The following STAG1 variants were observed in gnomAD, a reference collection of about 807,000 sequenced individuals.
The protein encoded by STAG1 is STAG1 cohesin complex component.
A neutral mutation model predicts 170.9 loss-of-function variants in STAG1; 26 were observed. The ratio of observed to expected loss-of-function variants is 0.15; its 90% CI spans 0.11 to 0.21. The LOEUF (loss-of-function observed/expected upper bound fraction) is 0.21. STAG1 is among the 10% of genes least tolerant of loss of function. The pLI is 1.00. For missense variants in STAG1, 964 were observed against 1,509.5 expected (o/e 0.64, Z 5.99); for synonymous variants, 514 against 497.7 (o/e 1.03, Z -0.44).
chr3:136,342,209 T>C (rs1312044910), intron 30 of STAG1, among the ~76,000 whole-genome samples: 4 of 151,620 alleles, frequency 2.6e-5, no homozygotes, highest in Admixed American at 2.0e-4. Context: ...TTAGTAGACA[T>C]GGGGTTTCAC....
At chr3:136,656,243 A>T (rs1941366247) in intron 1 of STAG1, among the ~76,000 whole-genome samples, 1 of 152,078 alleles carries the variant, frequency 6.6e-6, no homozygotes, top group Non-Finnish European at 1.5e-5. Flanking sequence ...AGGAACAGAA[A>T]GTACAATGGT....
At chr3:136,536,609 G>A (rs1490218920) in intron 6 of STAG1, among the ~76,000 whole-genome samples, 2 of 149,548 alleles carry the variant, frequency 1.3e-5, no homozygotes, top group South Asian at 2.1e-4. Flanking sequence ...GCTAAGGCAC[G>A]AGAATCGCTT....
intron 1 of STAG1, among the ~76,000 whole-genome samples, chr3:136,738,436 A>G (rs1934472272): frequency 6.6e-6 from 1 of 152,228 alleles, no homozygotes. Context: ...GGCTACAGTG[A>G]GCCAAAATCG....
intron 1 of STAG1, among the ~76,000 whole-genome samples, chr3:136,719,537 C>G (rs1274916653): frequency 3.3e-5 from 5 of 150,334 alleles, no homozygotes; most frequent in Non-Finnish European, 7.4e-5. Flanking sequence ...CAAGGAAAAA[C>G]AGAAAAGCAA....
chr3:136,366,865 G>T, intron 25 of STAG1, 78 bp downstream of exon 25: 4 of 1,240,252 alleles, frequency 3.2e-6, no homozygotes, highest in Non-Finnish European at 4.5e-6. Context: ...GTCAATTTTA[G>T]CTTCTGTCAT....
chr3:136,450,814 G>A (rs768845016), intron 14 of STAG1, among the ~76,000 whole-genome samples: 15 of 151,910 alleles, frequency 9.9e-5, no homozygotes, highest in Non-Finnish European at 2.1e-4. Context: ...GTACAATCTC[G>A]GCTCACTGCA....
chr3:136,590,335 C>A (rs1159810336), intron 4 of STAG1, among the ~76,000 whole-genome samples: 4 of 149,848 alleles, frequency 2.7e-5, no homozygotes, highest in Non-Finnish European at 3.0e-5. Context: ...AAAATACACA[C>A]AAAAAAAATT....
At chr3:136,634,805 CAT>C (rs1188403287) in intron 1 of STAG1, among the ~76,000 whole-genome samples, 2 of 151,782 alleles carry the variant, frequency 1.3e-5, no homozygotes, top group African/African-American at 4.8e-5. Flanking sequence ...ACAAAATTGA[CAT>C]ATCTTTAAAT....
intron 22 of STAG1, among the ~76,000 whole-genome samples, chr3:136,386,193 G>T (rs1480813798): frequency 6.6e-6 from 1 of 152,058 alleles, no homozygotes; most frequent in African/African-American, 2.4e-5. Context: ...AAAAAAATTA[G>T]CTGGGCATGG....
At chr3:136,702,441 C>A (rs899829740) in intron 1 of STAG1, among the ~76,000 whole-genome samples, 1 of 152,148 alleles carries the variant, frequency 6.6e-6, no homozygotes, top group African/African-American at 2.4e-5. Flanking sequence ...GGCTGGAGTG[C>A]AATGGCGCGA....
rs889388437 is a variant in STAG1 at position 136,379,086 on chromosome 3, T to C, written c.2278-1334A>G. Among the ~76,000 whole-genome samples the C allele has an allele frequency of 2.9e-4, 44 of 152,306 alleles. 1 individual carries two copies. The highest frequency in any genetic ancestry group is 1.0e-3 in the African/African-American group (43 of 41,578). On this transcript the variant is annotated intron_variant, in intron 22 of 33. Coordinates refer to ENST00000383202, the MANE Select transcript of STAG1 (RefSeq NM_005862.3). Reference sequence around the variant, plus strand: ...TGGAAGAAGGAGCGAGTTCATCTTGTGGAGAGAAGTAAAAAGGACACCCTC... The same window carrying C: ...TGGAAGAAGGAGCGAGTTCATCTTGCGGAGAGAAGTAAAAAGGACACCCTC...
intron 22 of STAG1, among the ~76,000 whole-genome samples, chr3:136,382,401 C>CTTT (rs1033807448): frequency 1.5e-5 from 2 of 134,592 alleles, no homozygotes; most frequent in Admixed American, 7.6e-5. Context: ...CCAAGGCTTT[C>CTTT]TTTTTTTTTT....
chr3:136,724,395 C>T (rs1306774807), intron 1 of STAG1, among the ~76,000 whole-genome samples: 1 of 151,076 alleles, frequency 6.6e-6, no homozygotes, highest in East Asian at 1.9e-4. Flanking sequence ...TAAACAGATG[C>T]TTGAAGGCAG....
chr3:136,590,177 C>T (rs1443786925), intron 4 of STAG1, among the ~76,000 whole-genome samples: 1 of 151,380 alleles, frequency 6.6e-6, no homozygotes, highest in Non-Finnish European at 1.5e-5. Flanking sequence ...ACAATTCAAA[C>T]ACTTCATGAC....
intron 4 of STAG1, among the ~76,000 whole-genome samples, chr3:136,602,289 G>A (rs1190837476): frequency 6.6e-6 from 1 of 150,498 alleles, no homozygotes; most frequent in Non-Finnish European, 1.5e-5. Context: ...TGAGGCAGAA[G>A]AATTGCTTGA....
chr3:136,474,185 C>A lies in STAG1; in HGVS notation c.1027-548G>T, dbSNP rs374905843. ...ATTAGTGGAATGTCTTTAATAAAGTCATCAACTTGGCGTACAGGATGTTGA... is the reference window on the plus strand; with the variant it reads ...ATTAGTGGAATGTCTTTAATAAAGTAATCAACTTGGCGTACAGGATGTTGA... On this transcript the variant is annotated intron_variant, in intron 10 of 33. Coordinates refer to ENST00000383202, the MANE Select transcript of STAG1 (RefSeq NM_005862.3). Among the ~76,000 whole-genome samples, 51 of 152,216 alleles carry A rather than the reference C, an allele frequency of 3.4e-4. No homozygotes were observed. The East Asian group carries it at 9.8e-3, about 29-fold the overall frequency.
intron 21 of STAG1, among the ~76,000 whole-genome samples, chr3:136,405,925 T>C (rs1190931988): frequency 1.3e-5 from 2 of 148,958 alleles, no homozygotes; most frequent in South Asian, 2.2e-4. Flanking sequence ...CTGAAGCTCA[T>C]ACATTGTTAG....
intron 12 of STAG1, among the ~76,000 whole-genome samples, chr3:136,468,565 T>C (rs2089536036): frequency 6.6e-6 from 1 of 152,220 alleles, no homozygotes; most frequent in South Asian, 2.1e-4. Flanking sequence ...CACAGTCGAA[T>C]TCTACCAGAG....
At chr3:136,575,094 T>C (rs188464092) in intron 4 of STAG1, among the ~76,000 whole-genome samples, 1 of 152,214 alleles carries the variant, frequency 6.6e-6, no homozygotes, top group East Asian at 1.9e-4. Context: ...TCTCAAAAAC[T>C]GTTGAATCCA....
Sources: allele counts gnomAD v4.1 joint callset (sites outside exome capture counted in the v4.1 genomes callset), GRCh38; gene constraint gnomAD v4.1.1; transcripts MANE v1.5; gene names NCBI Gene and HGNC (gene_info 2026-07-23, HGNC 2026-07-21).